The following DSE variants were observed in gnomAD, a reference collection of about 807,000 sequenced individuals.
The protein encoded by DSE is dermatan sulfate epimerase.
In DSE, 36 loss-of-function variants were observed where a neutral mutation model predicts 84.4. The observed-to-expected ratio is 0.43, with a 90% CI of 0.33 to 0.56. The LOEUF is 0.56. Among genes scored for constraint, DSE ranks in the 20% least tolerant of loss-of-function variants. The pLI is 0.06. For missense variants in DSE, 862 were observed against 1,169.6 expected (o/e 0.74, Z 3.84); for synonymous variants, 410 against 430.1 (o/e 0.95, Z 0.58).
intron 2 of DSE, among the ~76,000 whole-genome samples, chr6:116,332,830 C>A (rs1210582805): frequency 6.6e-6 from 1 of 151,982 alleles, no homozygotes; most frequent in African/African-American, 2.4e-5. Context: ...CAAAGTAAAT[C>A]AATATATAAA....
At chr6:116,380,216 G>T (rs1242360492) in intron 1 of DSE, among the ~76,000 whole-genome samples, 1 of 152,090 alleles carries the variant, frequency 6.6e-6, no homozygotes, top group African/African-American at 2.4e-5. Flanking sequence ...AAAGGATTTA[G>T]TCATTGAGTA....
At chr6:116,346,360 A>G (rs1043184949) in intron 2 of DSE, among the ~76,000 whole-genome samples, 4 of 152,220 alleles carry the variant, frequency 2.6e-5, no homozygotes, top group Admixed American at 6.5e-5. Flanking sequence ...CATCGATGCA[A>G]AAATCCTCAA....
chr6:116,265,240 G>T (rs1292686456), intron 2 of DSE, among the ~76,000 whole-genome samples: 3 of 152,240 alleles, frequency 2.0e-5, no homozygotes, highest in South Asian at 4.2e-4. Flanking sequence ...TGACTCAGGG[G>T]TGGGTCACTG....
intron 2 of DSE, chr6:116,278,101 G>A (rs1165772024): frequency 1.8e-5 from 4 of 221,320 alleles, no homozygotes; most frequent in Non-Finnish European, 2.8e-5. Flanking sequence ...ACTGTCCACA[G>A]GGCATGTGCC....
chr6:116,432,530 T>C (rs1482342811), intron 4 of DSE: 1 of 152,100 alleles, frequency 6.6e-6, no homozygotes, highest in Non-Finnish European at 1.5e-5. Flanking sequence ...ACAAAAACAT[T>C]AGCTGTAAAT....
intron 2 of DSE, among the ~76,000 whole-genome samples, chr6:116,302,502 A>C (rs1448161697): frequency 6.6e-6 from 1 of 151,930 alleles, no homozygotes; most frequent in Non-Finnish European, 1.5e-5. Flanking sequence ...TTTCTTGTAA[A>C]TTTGTTTAAT....
intron 2 of DSE, among the ~76,000 whole-genome samples, chr6:116,350,243 C>G (rs1297136593): frequency 6.6e-6 from 1 of 151,890 alleles, no homozygotes; most frequent in Non-Finnish European, 1.5e-5. Flanking sequence ...TAAAAACTGC[C>G]CAAGATGGTA....
In DSE at chr6:116,325,378, G is replaced by A. The variant is rs78443947; in HGVS notation, c.-54+66411G>A. 9.3e-3 allele frequency among the ~76,000 whole-genome samples: 1,422 copies of A among 152,298 alleles called. 12 individuals are homozygous for A. The highest frequency in any genetic ancestry group is 0.015 in the Non-Finnish European group (1,017 of 68,028). On this transcript the variant is annotated intron_variant, in intron 2 of 3. Coordinates refer to the DSE transcript ENST00000430252. ...TACTGCATGATACATAATCTCCAAA[G>A]TTCCATCAGCTCTTTAGTTCTTGAG...
chr6:116,352,749 G>T (rs1393248597), intron 2 of DSE, among the ~76,000 whole-genome samples: 1 of 152,106 alleles, frequency 6.6e-6, no homozygotes, highest in African/African-American at 2.4e-5. Context: ...ACCTGGCAGA[G>T]AAATCATTAC....
intron 2 of DSE, among the ~76,000 whole-genome samples, chr6:116,326,154 T>C (rs1386329317): frequency 6.6e-6 from 1 of 152,110 alleles, no homozygotes; most frequent in Non-Finnish European, 1.5e-5. Flanking sequence ...TTTATCTTTT[T>C]CTTTCTTTGG....
intron 2 of DSE, among the ~76,000 whole-genome samples, chr6:116,280,744 C>T (rs1368546442): frequency 6.6e-6 from 1 of 152,148 alleles, no homozygotes; most frequent in African/African-American, 2.4e-5. Flanking sequence ...TAAACTGGTG[C>T]TGTCTTAGAG....
chr6:116,279,170 A>G (rs774666972), intron 2 of DSE: 3 of 1,608,578 alleles, frequency 1.9e-6, no homozygotes, highest in Non-Finnish European at 2.5e-6. Flanking sequence ...TGCAAAGGCC[A>G]GGGCCCTTCT....
chr6:116,393,801 AT>A (rs2114980661), intron 1 of DSE, among the ~76,000 whole-genome samples: 1 of 152,300 alleles, frequency 6.6e-6, no homozygotes, highest in Non-Finnish European at 1.5e-5. Flanking sequence ...CTACAGGGTG[AT>A]TTCTTTCTCC....
At chr6:116,262,157 T>C (rs187696047) in intron 2 of DSE, among the ~76,000 whole-genome samples, 21 of 152,352 alleles carry the variant, frequency 1.4e-4, no homozygotes, top group African/African-American at 3.8e-4. Flanking sequence ...TTTGGAATAA[T>C]TTCAGTAGGG....
At chr6:116,273,348 A>C (rs1931892) in intron 2 of DSE, among the ~76,000 whole-genome samples, 42,912 of 152,074 alleles carry the variant, frequency 0.28, 7,311 homozygotes, top group East Asian at 0.68. Context: ...CATTTTTCCT[A>C]ATGTGGCTTG....
At chr6:116,391,751 C>T (rs1194872396) in intron 1 of DSE, among the ~76,000 whole-genome samples, 3 of 135,954 alleles carry the variant, frequency 2.2e-5, no homozygotes, top group Admixed American at 1.6e-4. Context: ...GGCAACAGAG[C>T]GAGACTCCGT....
At chr6:116,356,565 A>G (rs1039494588) in intron 2 of DSE, among the ~76,000 whole-genome samples, 1 of 152,218 alleles carries the variant, frequency 6.6e-6, no homozygotes, top group Non-Finnish European at 1.5e-5. Context: ...TCTAGAAGGC[A>G]TAGGTTCCAT....
chr6:116,298,907 T>G (rs1375306132), intron 2 of DSE, among the ~76,000 whole-genome samples: 7 of 152,158 alleles, frequency 4.6e-5, no homozygotes, highest in Admixed American at 3.9e-4. Context: ...AAATAAAAAA[T>G]CGTTTTGGAT....
rs564187480 is a variant in DSE, at chr6:116,299,268, T to C, written c.-54+40301T>C. Among the ~76,000 whole-genome samples the C allele has an allele frequency of 2.4e-4, 37 of 152,120 alleles. No individual in the cohort carries two copies. In the East Asian group the frequency reaches 6.6e-3, roughly 27 times the overall value. ...CAAGAGAAACAGAGGGAAATTTGTC[T>C]CTAGTTAATGTAGTTTTGTGCTTAC... On this transcript the variant is annotated intron_variant, in intron 2 of 3. Coordinates refer to the DSE transcript ENST00000430252.
Sources: gnomAD v4.1 joint callset for allele counts (sites outside exome capture counted in the v4.1 genomes callset) on GRCh38, gnomAD v4.1.1 for gene constraint, MANE v1.5 for transcripts, NCBI Gene and HGNC (gene_info 2026-07-23, HGNC 2026-07-21) for gene names.